ZFC3H1: variants seen among roughly 807,000 people sequenced by gnomAD.
ZFC3H1 encodes the protein zinc finger C3H1-type containing.
In ZFC3H1, 71 loss-of-function variants were observed where a neutral mutation model predicts 243.7. The ratio of observed to expected loss-of-function variants is 0.29; its 90% confidence interval spans 0.24 to 0.36. The LOEUF is 0.36. ZFC3H1 is among the 10% of genes least tolerant of loss of function. The probability of loss-of-function intolerance (pLI) is 1.00; values close to 1 mark genes in which losing one functional copy is unlikely to be tolerated. For missense variants in ZFC3H1, 1,966 were observed against 2,317.1 expected (o/e 0.85, Z 3.11); for synonymous variants, 838 against 813.0 (o/e 1.03, Z -0.52).
chr12:71,646,691 A>G (rs1470739010), intron 3 of ZFC3H1, among the ~76,000 whole-genome samples: 1 of 152,214 alleles, frequency 6.6e-6, no homozygotes, highest in African/African-American at 2.4e-5. Flanking sequence ...AGCTAAAGTG[A>G]TCAAACTACC....
intron 10 of ZFC3H1, 83 bp downstream of exon 10, chr12:71,635,360 T>C: frequency 2.0e-6 from 3 of 1,487,344 alleles, no homozygotes; most frequent in Non-Finnish European, 2.7e-6. Context: ...TCTATAACTT[T>C]ATGGTTTAAT....
At chr12:71,638,595 G>T in intron 6 of ZFC3H1, 80 bp from the exon 7 acceptor site, 1 of 1,191,296 alleles carries the variant, frequency 8.4e-7, no homozygotes, top group South Asian at 1.5e-5. Context: ...TATGTTTGAA[G>T]AAATACATCT....
At chr12:71,654,383 C>G (rs1468755926) in intron 2 of ZFC3H1, among the ~76,000 whole-genome samples, 1 of 152,124 alleles carries the variant, frequency 6.6e-6, no homozygotes, top group African/African-American at 2.4e-5. Flanking sequence ...CAAGGCTGCA[C>G]TGAGTCATGA....
At chr12:71,628,535 G>A (rs926669302) in intron 20 of ZFC3H1, among the ~76,000 whole-genome samples, 1 of 152,176 alleles carries the variant, frequency 6.6e-6, no homozygotes, top group African/African-American at 2.4e-5. Context: ...CCTTCTGCAT[G>A]TCAGAAAACA....
chr12:71,618,272 T>C (rs985905633), intron 27 of ZFC3H1, among the ~76,000 whole-genome samples: 1 of 143,806 alleles, frequency 7.0e-6, no homozygotes, highest in African/African-American at 2.6e-5. Flanking sequence ...TCTCTTAAAA[T>C]AAAATTAAAA....
At chr12:71,612,994 A>T (rs1378832403) in intron 31 of ZFC3H1, among the ~76,000 whole-genome samples, 2 of 152,198 alleles carry the variant, frequency 1.3e-5, no homozygotes, top group African/African-American at 2.4e-5. Flanking sequence ...AAATATGAAA[A>T]CATCTTAAAT....
Position 71,611,773 on chromosome 12 carries a change from A to G in ZFC3H1, c.5729+13T>C. ...CAATAGCTATAAAAACATGTACATGATTGTTGCATTACATTTTCCAGGTGG... is the reference window on the plus strand; with the variant it reads ...CAATAGCTATAAAAACATGTACATGGTTGTTGCATTACATTTTCCAGGTGG... On this transcript the variant is annotated intron_variant, in intron 32 of 34. Coordinates refer to ENST00000378743, the MANE Select transcript of ZFC3H1 (RefSeq NM_144982.5). The G allele has an allele frequency of 6.3e-7, 1 of 1,585,838 alleles. No homozygotes were observed. The highest frequency in any genetic ancestry group is 8.6e-7 in the Non-Finnish European group (1 of 1,158,446).
chr12:71,632,730 A>C (rs751482499), intron 14 of ZFC3H1, among the ~76,000 whole-genome samples, 156 bp downstream of exon 14: 2 of 152,210 alleles, frequency 1.3e-5, no homozygotes, highest in Non-Finnish European at 2.9e-5. Context: ...AATAAAGTAG[A>C]CATCCAAAAA....
intron 2 of ZFC3H1, among the ~76,000 whole-genome samples, chr12:71,652,296 A>T (rs1027289779): frequency 2.6e-5 from 4 of 152,188 alleles, no homozygotes; most frequent in Admixed American, 2.0e-4. Flanking sequence ...CACACATCTG[A>T]TCACATCATT....
At chr12:71,627,369 A>T (rs560289064) in intron 21 of ZFC3H1, among the ~76,000 whole-genome samples, 1 of 152,340 alleles carries the variant, frequency 6.6e-6, no homozygotes, top group Non-Finnish European at 1.5e-5. Context: ...ACAAATTAAC[A>T]AAATTTAACC....
At position 71,663,186 on chromosome 12, in the gene ZFC3H1, T is replaced by A; in HGVS notation, c.425A>T (p.Asp142Val). 1.2e-6 allele frequency: 2 copies of A among 1,613,918 alleles called. No individual in the cohort carries two copies. Among genetic ancestry groups the A allele is most frequent in the Non-Finnish European group, 1.7e-6 (2 of 1,179,974 alleles). The change falls in exon 1 of 35, where the codon GAC becomes GTC. Residue 142 changes from aspartate (D) to valine (V), a missense_variant. This residue lies in a region of ZFC3H1 where 484 missense variants were observed against 449.7 expected (regional missense o/e 1.08). Coordinates refer to ENST00000378743, the MANE Select transcript of ZFC3H1 (RefSeq NM_144982.5). ...SFWERSHLAL[D>V]RFRFRGRPYR... ...AGGCCTGCCTCGAAAGCGGAAACGGTCCAAGGCGAGGTGGCTCCGCTCCCA... is the reference window on the plus strand; with the variant it reads ...AGGCCTGCCTCGAAAGCGGAAACGGACCAAGGCGAGGTGGCTCCGCTCCCA...
At chr12:71,623,273 TAC>T (rs1880077948) in intron 24 of ZFC3H1, 85 bp downstream of exon 24, 1 of 1,142,980 alleles carries the variant, frequency 8.7e-7, no homozygotes, top group Non-Finnish European at 1.2e-6. Context: ...TCCACTTAAT[TAC>T]AGAGAATCAC....
intron 2 of ZFC3H1, among the ~76,000 whole-genome samples, chr12:71,648,245 G>C (rs544036839): frequency 6.6e-6 from 1 of 152,286 alleles, no homozygotes; most frequent in African/African-American, 2.4e-5. Context: ...TTGGATTTGT[G>C]CATTAGAGAA....
chr12:71,630,985 T>C (rs1294253527), intron 16 of ZFC3H1, 31 bp from the exon 17 acceptor site: 2 of 1,494,576 alleles, frequency 1.3e-6, no homozygotes, highest in East Asian at 4.7e-5. Flanking sequence ...AGGTATATTA[T>C]GCCCAACAAA....
intron 27 of ZFC3H1, among the ~76,000 whole-genome samples, chr12:71,619,085 G>A (rs1280600): frequency 0.59 from 89,679 of 151,986 alleles, 29,159 homozygotes; most frequent in Middle Eastern, 0.76. Flanking sequence ...TATGGTGTTA[G>A]TATATGCCTT....
chr12:71,623,646 CCA>C (rs768631470), intron 23 of ZFC3H1, 49 bp from the exon 24 acceptor site: 2 of 1,312,660 alleles, frequency 1.5e-6, no homozygotes, highest in African/African-American at 3.0e-5. Context: ...GATGTCAGTA[CCA>C]GATTAACATA....
At position 71,636,840 on chromosome 12, in the gene ZFC3H1, C is replaced by T. The variant is rs889523148; in HGVS notation, c.1935+10G>A. 6.2e-7 allele frequency: 1 copy of T among 1,613,292 alleles called. No individual in the cohort carries two copies. The highest frequency in any genetic ancestry group is 1.3e-5 in the African/African-American group (1 of 74,836). ...AGAGCACCACCTAGAGGTTTAGGTA[C>T]CTAAATTACCTCTGGCTTAAAAGCT... On this transcript the variant is annotated intron_variant, in intron 8 of 34. Coordinates refer to ENST00000378743, the MANE Select transcript of ZFC3H1 (RefSeq NM_144982.5).
Position 71,632,237 on chromosome 12 carries a change from T to C in ZFC3H1, c.3095A>G (p.Asp1032Gly). ...LTLDTEENDV[D>G]DEILSGSSRE... Reference sequence around the variant, plus strand: ...GCTTGAACCAGACAAAATTTCATCATCAACATCATTTTCTTCAGTGTCCAG... The same window carrying C: ...GCTTGAACCAGACAAAATTTCATCACCAACATCATTTTCTTCAGTGTCCAG... Residue 1032 changes from aspartate (D) to glycine (G), a missense_variant, in exon 15 of 35, where the codon GAT becomes GGT. By Grantham distance (94) the Asp-to-Gly change is moderately conservative (BLOSUM62 -1). Coordinates refer to ENST00000378743, the MANE Select transcript of ZFC3H1 (RefSeq NM_144982.5). The C allele has an allele frequency of 6.2e-7, 1 of 1,611,726 alleles. No individual in the cohort carries two copies. The highest frequency in any genetic ancestry group is 8.5e-7 in the Non-Finnish European group (1 of 1,179,246).
Position 71,627,780 on chromosome 12 carries a change from A to G in ZFC3H1, c.4101T>C (p.Leu1367=). The G allele has an allele frequency of 6.2e-7, 1 of 1,613,254 alleles. No individual in the cohort carries two copies. Among genetic ancestry groups the G allele is most frequent in the Non-Finnish European group, 8.5e-7 (1 of 1,179,660 alleles). The stretch of plus-strand genomic sequence containing the variant: ...CATTTTGATTCAAGTACTTGTACGC[A>G]AGCTTGAGCCAAAGTTGTACATGAG... ...NPSHVQLWLK[L]AYKYLNQNEG... The change falls in exon 21 of 35, where the codon CTT becomes CTC. Residue 1367 remains leucine, a synonymous_variant. Transcript: ENST00000378743.
Sources: allele counts gnomAD v4.1 joint callset (sites outside exome capture counted in the v4.1 genomes callset), GRCh38; gene constraint gnomAD v4.1.1; regional missense constraint gnomAD v4.1.1; transcripts MANE v1.5; gene names NCBI Gene and HGNC (gene_info 2026-07-23, HGNC 2026-07-21).